CKAP5: variants seen among roughly 807,000 people sequenced by gnomAD.
The protein encoded by CKAP5 is cytoskeleton associated protein 5.
CKAP5 carries 27 observed loss-of-function variants against 232.8 expected under a neutral mutation model. The observed-to-expected ratio is 0.12, with a 90% CI of 0.09 to 0.16. The LOEUF is 0.16. Ranked by LOEUF, CKAP5 falls within the 10% of genes least tolerant of loss-of-function variation. The pLI is 1.00. For synonymous variants in CKAP5, 785 were observed against 841.1 expected, an observed-to-expected ratio of 0.93 and a Z score of 1.16; for missense variants, 1,838 against 2,424.7, an observed-to-expected ratio of 0.76 and a Z score of 5.08.
At chr11:46,823,417 A>C (rs937889929) in intron 1 of CKAP5, among the ~76,000 whole-genome samples, 1 of 152,210 alleles carries the variant, frequency 6.6e-6, no homozygotes, top group Non-Finnish European at 1.5e-5. Flanking sequence ...ACATGTAGTA[A>C]TATAAATCAT....
At chr11:46,840,684 T>C (rs1329546466) in intron 1 of CKAP5, among the ~76,000 whole-genome samples, 1 of 152,216 alleles carries the variant, frequency 6.6e-6, no homozygotes, top group Admixed American at 6.5e-5. Flanking sequence ...GGAAGCTCCA[T>C]GCCTCTTCCC....
chr11:46,801,885 T>C (rs908090192), intron 8 of CKAP5, among the ~76,000 whole-genome samples: 2 of 152,212 alleles, frequency 1.3e-5, no homozygotes, highest in African/African-American at 4.8e-5. Context: ...CTGTCAGCAC[T>C]GTTCAACTGT....
At chr11:46,769,220 A>G (rs1486380553) in intron 26 of CKAP5, among the ~76,000 whole-genome samples, 1 of 152,208 alleles carries the variant, frequency 6.6e-6, no homozygotes, top group East Asian at 1.9e-4. Flanking sequence ...TGCCCAGCCT[A>G]TTATGGAATT....
At chr11:46,817,833 T>TCC (rs1193141805) in intron 3 of CKAP5, among the ~76,000 whole-genome samples, 1 of 152,020 alleles carries the variant, frequency 6.6e-6, no homozygotes, top group Non-Finnish European at 1.5e-5. Context: ...AAGCATTACC[T>TCC]CCCCCAAGAA....
intron 35 of CKAP5, 149 bp downstream of exon 35, chr11:46,758,774 T>C (rs2065131295): frequency 1.2e-6 from 1 of 808,564 alleles, no homozygotes; most frequent in East Asian, 2.7e-5. Context: ...AAGTGATGAC[T>C]GAGTGGCACC....
In CKAP5 at chr11:46,783,281, A is replaced by T. The variant is rs993251096; in HGVS notation, c.2242T>A (p.Phe748Ile). Residue 748 changes from phenylalanine to isoleucine, a missense_variant, in exon 18 of 44, where the codon TTT (phenylalanine) becomes ATT (isoleucine). Transcript: ENST00000529230. Reference sequence around the variant, plus strand: ...GATTTCGTTCTGACTTACCCAGAAAAACCAAATTCTTTTATGGCATTTGAT... The same window carrying T: ...GATTTCGTTCTGACTTACCCAGAAATACCAAATTCTTTTATGGCATTTGAT... ...WLSNAIKEFG[F>I]SGLNVKAFIS... 1 of 1,603,772 alleles carries T rather than the reference A, an allele frequency of 6.2e-7. No homozygotes were observed. Among genetic ancestry groups the T allele is most frequent in the African/African-American group, 1.3e-5 (1 of 74,570 alleles).
intron 35 of CKAP5, among the ~76,000 whole-genome samples, chr11:46,756,754 ATTTTT>A (rs59822318): frequency 3.1e-5 from 4 of 128,070 alleles, no homozygotes; most frequent in Non-Finnish European, 4.9e-5. Flanking sequence ...TGGACCTTGA[ATTTTT>A]TTTTTTTTTT....
chr11:46,841,325 C>T (rs1345101412), intron 1 of CKAP5, among the ~76,000 whole-genome samples: 1 of 151,594 alleles, frequency 6.6e-6, no homozygotes, highest in Non-Finnish European at 1.5e-5. Flanking sequence ...CAGCTAGTGT[C>T]CACTGCTGAA....
Position 46,788,780 on chromosome 11 carries a change from G to A in CKAP5, c.1876-7C>T. 2 of 1,590,336 alleles carry A rather than the reference G, an allele frequency of 1.3e-6. No individual in the cohort carries two copies. The highest frequency in any genetic ancestry group is 1.7e-6 in the Non-Finnish European group (2 of 1,164,980). ...GGTCCATTAGCTCAACAGCCTTGAA[G>A]TAAAATAAGAGAATAAGAGTTTAAG... On this transcript the variant is annotated splice_polypyrimidine_tract_variant and splice_region_variant and intron_variant, in intron 15 of 43. Transcript: ENST00000529230.
chr11:46,804,585 T>G (rs935359284), intron 8 of CKAP5, among the ~76,000 whole-genome samples: 30 of 152,184 alleles, frequency 2.0e-4, no homozygotes, highest in African/African-American at 6.8e-4. Context: ...TGCTTTAAAG[T>G]AATTATCAAT....
intron 42 of CKAP5, among the ~76,000 whole-genome samples, chr11:46,749,344 A>G (rs529376908): frequency 1.3e-5 from 2 of 151,118 alleles, no homozygotes; most frequent in South Asian, 2.1e-4. Context: ...GGTTCCAGCT[A>G]CTCAAGAGGC....
rs1489649079 is a variant in CKAP5 at position 46,763,244 on chromosome 11, A to C, written c.3688-65T>G. 1.4e-5 allele frequency: 19 copies of C among 1,322,656 alleles called. No individual in the cohort carries two copies. The East Asian group carries it at 4.4e-4, about 31-fold the overall frequency. 81.9% of individuals were successfully genotyped at this position (1,322,656 alleles called of 1,614,324 possible). ...AATCAAAATCTTAATTCTACTAGGC[A>C]AGTGTCTTTTAAATTTTATTGGAGC... On this transcript the variant is annotated intron_variant, in intron 29 of 43. Transcript: ENST00000529230.
chr11:46,816,005 T>C (rs1434124734), intron 4 of CKAP5, among the ~76,000 whole-genome samples, 193 bp downstream of exon 4: 1 of 152,100 alleles, frequency 6.6e-6, no homozygotes, highest in African/African-American at 2.4e-5. Context: ...CAAACCCTAC[T>C]GTGAACTGCA....
intron 1 of CKAP5, among the ~76,000 whole-genome samples, chr11:46,840,887 T>C (rs963488032): frequency 2.0e-5 from 3 of 151,788 alleles, no homozygotes; most frequent in African/African-American, 7.3e-5. Context: ...AAAAAAAACC[T>C]GGGGCTTCAG....
intron 13 of CKAP5, among the ~76,000 whole-genome samples, chr11:46,792,490 T>C (rs964446597): frequency 6.6e-6 from 1 of 151,874 alleles, no homozygotes; most frequent in African/African-American, 2.4e-5. Flanking sequence ...GAGGCAGAGG[T>C]TGCAGTGAGA....
chr11:46,757,619 G>A (rs1254341855), intron 35 of CKAP5, among the ~76,000 whole-genome samples: 2 of 151,812 alleles, frequency 1.3e-5, no homozygotes, highest in South Asian at 2.1e-4. Flanking sequence ...GCGAGATCTC[G>A]CTCTGTCACC....
intron 25 of CKAP5, among the ~76,000 whole-genome samples, 167 bp downstream of exon 25, chr11:46,770,621 G>C (rs2065239358): frequency 6.6e-6 from 1 of 152,118 alleles, no homozygotes; most frequent in South Asian, 2.1e-4. Flanking sequence ...TAGAGATGGG[G>C]TTTCACCATG....
At chr11:46,820,507 G>C (rs983423866) in intron 2 of CKAP5, 2 of 152,064 alleles carry the variant, frequency 1.3e-5, no homozygotes, top group African/African-American at 4.8e-5. Context: ...TAAAAGAACT[G>C]TCAAGAACAT....
At chr11:46,816,831 G>A (rs1480357327) in intron 3 of CKAP5, among the ~76,000 whole-genome samples, 2 of 144,804 alleles carry the variant, frequency 1.4e-5, no homozygotes, top group African/African-American at 2.6e-5. Context: ...GGTTGGTCGG[G>A]TATGGTGGCT....
Sources: gnomAD v4.1 joint callset for allele counts (sites outside exome capture counted in the v4.1 genomes callset) on GRCh38, gnomAD v4.1.1 for gene constraint, MANE v1.5 for transcripts, NCBI Gene and HGNC (gene_info 2026-07-23, HGNC 2026-07-21) for gene names.